SLC24A4: variants seen among roughly 807,000 people sequenced by gnomAD.
The protein encoded by SLC24A4 is sodium/potassium/calcium exchanger 4.
Under a neutral mutation model 79.0 loss-of-function variants are expected in SLC24A4, and 53 were observed. The ratio of observed to expected loss-of-function variants is 0.67; its 90% CI spans 0.54 to 0.84. The LOEUF (loss-of-function observed/expected upper bound fraction) is 0.84, where lower values mean the gene tolerates loss of function less well. Among genes scored for constraint, SLC24A4 ranks in the 40% least tolerant of loss-of-function variants. The pLI, the probability that SLC24A4 is intolerant of heterozygous loss-of-function variation, is 0.00. For synonymous variants in SLC24A4, 323 were observed against 323.8 expected (o/e 1.00, Z 0.03); for missense variants, 731 against 822.0 (o/e 0.89, Z 1.35).
chr14:92,361,897 C>T (rs892891473), intron 2 of SLC24A4, among the ~76,000 whole-genome samples: 5 of 152,076 alleles, frequency 3.3e-5, no homozygotes, highest in Admixed American at 1.3e-4. Flanking sequence ...ATCAGAGGAA[C>T]GGAACCTGGA....
chr14:92,443,632 C>T (rs76867770), intron 7 of SLC24A4, among the ~76,000 whole-genome samples, 158 bp downstream of exon 7: 3,817 of 152,278 alleles, frequency 0.025, 142 homozygotes, highest in African/African-American at 0.086. Context: ...GTGACCAGCG[C>T]CCCGACCCCC....
intron 2 of SLC24A4, among the ~76,000 whole-genome samples, chr14:92,354,676 T>A (rs1307639095): frequency 2.0e-5 from 3 of 152,194 alleles, no homozygotes; most frequent in Non-Finnish European, 4.4e-5. Context: ...TCTGATTCAG[T>A]AGATCTGGGG....
At chr14:92,345,976 G>T (rs1471983357) in intron 2 of SLC24A4, among the ~76,000 whole-genome samples, 1 of 152,166 alleles carries the variant, frequency 6.6e-6, no homozygotes, top group Non-Finnish European at 1.5e-5. Flanking sequence ...ACTGGGATGG[G>T]CTTGGGGACC....
chr14:92,327,911 A>G (rs1476196444), intron 2 of SLC24A4, among the ~76,000 whole-genome samples: 1 of 152,256 alleles, frequency 6.6e-6, no homozygotes, highest in East Asian at 1.9e-4. Flanking sequence ...GACTGTTTCC[A>G]GAATACAGCC....
chr14:92,482,605 C>A, intron 12 of SLC24A4, 75 bp from the exon 13 acceptor site: 6 of 1,401,236 alleles, frequency 4.3e-6, no homozygotes, highest in Non-Finnish European at 5.8e-6. Flanking sequence ...ACTAAATCGA[C>A]AGGTAGACTG....
intron 12 of SLC24A4, among the ~76,000 whole-genome samples, chr14:92,463,495 G>A (rs936584390): frequency 3.3e-5 from 5 of 152,056 alleles, no homozygotes; most frequent in East Asian, 1.9e-4. Context: ...CCTTGGTCTC[G>A]GAAGCCACCA....
In SLC24A4 at chr14:92,442,025, G is replaced by A. The variant is rs1892526290; in HGVS notation, c.394-64G>A. 6 of 1,309,380 alleles carry A rather than the reference G, an allele frequency of 4.6e-6. No individual in the cohort carries two copies. The Admixed American group carries it at 6.9e-5, about 15-fold the overall frequency. 81.1% of individuals were successfully genotyped at this position (1,309,380 alleles called of 1,614,324 possible). On this transcript the variant is annotated intron_variant, in intron 4 of 16. Transcript: ENST00000532405. The stretch of plus-strand genomic sequence containing the variant: ...CTCCTGCATGCTCCTTGGCTGTAGA[G>A]CGTCCAGTGATGTCCAGTACCCCCA...
At chr14:92,457,962 G>C (rs1246371101) in intron 12 of SLC24A4, among the ~76,000 whole-genome samples, 1 of 152,222 alleles carries the variant, frequency 6.6e-6, no homozygotes, top group Non-Finnish European at 1.5e-5. Context: ...GGGGTGCCCT[G>C]CCCCCTGCTT....
chr14:92,371,447 C>G (rs1005500012), intron 2 of SLC24A4, among the ~76,000 whole-genome samples: 1 of 152,162 alleles, frequency 6.6e-6, no homozygotes, highest in African/African-American at 2.4e-5. Flanking sequence ...CATAAAATAA[C>G]TCAGGCTAAA....
chr14:92,464,358 C>A (rs1206000781), intron 12 of SLC24A4, among the ~76,000 whole-genome samples: 1 of 152,056 alleles, frequency 6.6e-6, no homozygotes, highest in Non-Finnish European at 1.5e-5. Context: ...CCACTCTGTG[C>A]CACCCCTCCA....
At chr14:92,329,978 G>A (rs1422196552) in intron 2 of SLC24A4, among the ~76,000 whole-genome samples, 1 of 152,170 alleles carries the variant, frequency 6.6e-6, no homozygotes, top group African/African-American at 2.4e-5. Flanking sequence ...AAATGCCCAG[G>A]CCCCACTCCC....
intron 2 of SLC24A4, among the ~76,000 whole-genome samples, chr14:92,421,998 G>A (rs183776465): frequency 1.3e-5 from 2 of 152,168 alleles, no homozygotes. Flanking sequence ...GCTGATTTGC[G>A]TGTAGCTGCA....
intron 12 of SLC24A4, among the ~76,000 whole-genome samples, chr14:92,460,828 C>G (rs890845481): frequency 1.3e-5 from 2 of 152,188 alleles, no homozygotes; most frequent in African/African-American, 4.8e-5. Context: ...CCCCAGATGA[C>G]GGGTCGCTGG....
intron 2 of SLC24A4, among the ~76,000 whole-genome samples, chr14:92,336,206 G>A (rs531896617): frequency 1.3e-5 from 2 of 152,330 alleles, no homozygotes; most frequent in East Asian, 3.9e-4. Context: ...ATTGCCATTT[G>A]TTGCCTTGGG....
In SLC24A4 at chr14:92,474,798, TATATAC is replaced by T. The variant is rs1472284840; in HGVS notation, c.1256-7876_1256-7871del. Reference sequence around the variant, plus strand: ...GTGTATATATATGTGTGTGTGTATATATATACATATATACATATATATACATATATA... The same window carrying T: ...GTGTATATATATGTGTGTGTGTATATATATATACATATATATACATATATA... On this transcript the variant is annotated intron_variant, in intron 12 of 16. Transcript: ENST00000532405. 4.8e-4 allele frequency among the ~76,000 whole-genome samples: 19 copies of T among 39,786 alleles called. No homozygotes were observed. The South Asian group carries it at 8.0e-3, about 17-fold the overall frequency. The allele number at this position is 39,786 out of a possible 152,430, so 26.1% of individuals were successfully genotyped here.
chr14:92,390,384 A>AG (rs1889399394), intron 2 of SLC24A4, among the ~76,000 whole-genome samples: 1 of 152,102 alleles, frequency 6.6e-6, no homozygotes, highest in East Asian at 1.9e-4. Context: ...TCAGCCTGTC[A>AG]GCCCTTGTTA....
intron 2 of SLC24A4, among the ~76,000 whole-genome samples, chr14:92,374,045 T>C (rs1001307068): frequency 2.0e-5 from 3 of 152,238 alleles, no homozygotes; most frequent in African/African-American, 7.2e-5. Context: ...AACCACCATA[T>C]TGCATACTAT....
intron 2 of SLC24A4, among the ~76,000 whole-genome samples, chr14:92,351,627 C>T (rs1266000448): frequency 1.3e-5 from 2 of 152,140 alleles, no homozygotes; most frequent in South Asian, 2.1e-4. Flanking sequence ...GAGGCCGAGG[C>T]GGGTGGATCA....
At chr14:92,404,111 C>T (rs1890252248) in intron 2 of SLC24A4, among the ~76,000 whole-genome samples, 1 of 152,160 alleles carries the variant, frequency 6.6e-6, no homozygotes, top group Non-Finnish European at 1.5e-5. Flanking sequence ...CAGTGGCATA[C>T]ATAACCTCAC....
Sources: gnomAD v4.1 joint callset for allele counts (sites outside exome capture counted in the v4.1 genomes callset) on GRCh38, gnomAD v4.1.1 for gene constraint, MANE v1.5 for transcripts, NCBI Gene and HGNC (gene_info 2026-07-23, HGNC 2026-07-21) for gene names.